ARHGAP32: variants seen among roughly 807,000 people sequenced by gnomAD.
ARHGAP32 encodes Rho GTPase activating protein 32.
A neutral mutation model predicts 186.5 loss-of-function variants in ARHGAP32; 51 were observed. That is an observed-to-expected ratio of 0.27 (90% confidence interval 0.22 to 0.35). ARHGAP32 has a LOEUF of 0.35. Among genes scored for constraint, ARHGAP32 ranks in the 10% least tolerant of loss-of-function variants. The pLI, the probability that ARHGAP32 is intolerant of heterozygous loss-of-function variation, is 1.00. For missense variants in ARHGAP32, 2,186 were observed against 2,623.5 expected, an observed-to-expected ratio of 0.83 and a Z score of 3.64; for synonymous variants, 950 against 964.3, an observed-to-expected ratio of 0.99 and a Z score of 0.27.
intron 10 of ARHGAP32, among the ~76,000 whole-genome samples, chr11:129,042,672 T>C (rs999184669): frequency 6.6e-6 from 1 of 152,238 alleles, no homozygotes; most frequent in Non-Finnish European, 1.5e-5. Flanking sequence ...TCTCAGGTCG[T>C]AAATTAAACA....
At chr11:128,973,661 T>TTACAGAGATGGG (rs1400993546) in intron 21 of ARHGAP32, 10 of 572,346 alleles carry the variant, frequency 1.7e-5, no homozygotes, top group Non-Finnish European at 3.1e-5. Flanking sequence ...TCTTGAATTG[T>TTACAGAGATGGG]TACAGAGATG....
At chr11:129,033,823 T>C (rs569807186) in intron 11 of ARHGAP32, among the ~76,000 whole-genome samples, 1 of 152,320 alleles carries the variant, frequency 6.6e-6, no homozygotes, top group South Asian at 2.1e-4. Flanking sequence ...GTACTCTTTA[T>C]TGAAATGACT....
chr11:129,054,164 T>A (rs898830134), intron 10 of ARHGAP32, among the ~76,000 whole-genome samples: 3 of 152,070 alleles, frequency 2.0e-5, no homozygotes, highest in Non-Finnish European at 4.4e-5. Context: ...AAATAGGTGA[T>A]CCTTGATCAT....
chr11:129,099,854 G>A (rs1941841722), intron 5 of ARHGAP32, among the ~76,000 whole-genome samples: 1 of 151,878 alleles, frequency 6.6e-6, no homozygotes, highest in African/African-American at 2.4e-5. Flanking sequence ...TCAGAGGGAA[G>A]GCACCCAGAG....
At chr11:128,994,885 C>T (rs1355369029) in intron 12 of ARHGAP32, among the ~76,000 whole-genome samples, 3 of 152,086 alleles carry the variant, frequency 2.0e-5, no homozygotes, top group African/African-American at 7.2e-5. Flanking sequence ...TATATCTGGC[C>T]TTGGTCTTTG....
chr11:129,062,345 C>A lies in ARHGAP32; in HGVS notation c.898G>T (p.Val300Phe). 1.2e-6 allele frequency: 2 copies of A among 1,613,454 alleles called. No individual in the cohort carries two copies. The highest frequency in any genetic ancestry group is 1.7e-6 in the Non-Finnish European group (2 of 1,179,526). ...TTCGGGGGCATGTCAATAACAGAAACAATGTCTCCCACCTAGGAGAATCAA... is the reference window on the plus strand; with the variant it reads ...TTCGGGGGCATGTCAATAACAGAAAAAATGTCTCCCACCTAGGAGAATCAA... ...DELTLEVGDI[V>F]SVIDMPPKVL... is the part of the protein sequence containing the mutation. Residue 300 changes from valine to phenylalanine, a missense_variant, in exon 10 of 23, where the codon GTT becomes TTT. This residue lies in a region of ARHGAP32 where 308 missense variants were observed against 596.5 expected (regional missense o/e 0.52). Coordinates refer to ENST00000682385, the MANE Select transcript of ARHGAP32 (RefSeq NM_001378024.1).
At chr11:129,274,097 G>A (rs1293678493) in intron 1 of ARHGAP32, among the ~76,000 whole-genome samples, 4 of 151,014 alleles carry the variant, frequency 2.6e-5, no homozygotes, top group Non-Finnish European at 4.4e-5. Context: ...TTTTTCTCAT[G>A]AGAAATTAAA....
At chr11:129,241,339 G>T (rs903452773) in intron 1 of ARHGAP32, among the ~76,000 whole-genome samples, 1 of 152,126 alleles carries the variant, frequency 6.6e-6, no homozygotes, top group Admixed American at 6.5e-5. Context: ...AGCCAATTTT[G>T]ATACTATAAA....
At position 129,254,273 on chromosome 11, in the gene ARHGAP32, T is replaced by C. The variant is rs74987434; in HGVS notation, c.-5+24873A>G. Among the ~76,000 whole-genome samples the C allele has an allele frequency of 6.1e-3, 926 of 152,214 alleles. 6 individuals are homozygous for C. The highest frequency in any genetic ancestry group is 0.022 in the South Asian group (108 of 4,824). On this transcript the variant is annotated intron_variant, in intron 1 of 6. Coordinates refer to the ARHGAP32 transcript ENST00000525234. ...CCCCAAAGTTAGTATAGGGATCATA[T>C]ATTTTCAATTTCCTAAGATAGTCCC...
At chr11:129,147,609 G>A (rs939481368) in intron 2 of ARHGAP32, among the ~76,000 whole-genome samples, 1 of 152,130 alleles carries the variant, frequency 6.6e-6, no homozygotes, top group East Asian at 1.9e-4. Context: ...GAGTAATACA[G>A]ATCATTCCTA....
chr11:129,033,986 A>G (rs1395457088), intron 11 of ARHGAP32, among the ~76,000 whole-genome samples: 1 of 152,246 alleles, frequency 6.6e-6, no homozygotes. Flanking sequence ...AGCTTTCACA[A>G]TATATCTTGA....
intron 11 of ARHGAP32, among the ~76,000 whole-genome samples, chr11:129,006,700 T>G (rs1033770425): frequency 5.3e-5 from 8 of 152,184 alleles, no homozygotes; most frequent in African/African-American, 1.9e-4. Flanking sequence ...GCACTGGGTC[T>G]TGCCCAAAGC....
Position 128,969,512 on chromosome 11 carries a change from G to T in ARHGAP32, c.5701C>A (p.Gln1901Lys), listed in dbSNP as rs1945298302. ...HRAHQEASHR[Q>K]FCESKNGPPY... The stretch of plus-strand genomic sequence containing the variant: ...GGCCCATTCTTTGACTCACAGAACT[G>T]CCTATGGCTTGCTTCTTGGTGTGCC... The change falls in exon 23 of 23, where the codon CAG (glutamine) becomes AAG (lysine). Residue 1901 changes from glutamine to lysine, a missense_variant. Physicochemically the swap from Gln to Lys is moderately conservative, Grantham distance 53. Around this residue, in one of 5 missense-constraint regions of ARHGAP32, gnomAD observed 1,502 missense variants for 1,570.0 expected, o/e 0.96. Transcript: ENST00000682385. This position sits in a 1 kb window ranked among gnomAD's most constrained non-coding sequence, Gnocchi z 4.8. 1 of 1,614,204 alleles carries T rather than the reference G, an allele frequency of 6.2e-7. No individual in the cohort carries two copies. Among genetic ancestry groups the T allele is most frequent in the East Asian group, 2.2e-5 (1 of 44,880 alleles).
At chr11:129,266,273 A>G (rs1345618192) in intron 1 of ARHGAP32, among the ~76,000 whole-genome samples, 1 of 152,188 alleles carries the variant, frequency 6.6e-6, no homozygotes, top group Non-Finnish European at 1.5e-5. Flanking sequence ...TTCCCTACTA[A>G]TAAGAAGGGC....
chr11:129,089,594 G>A (rs964544929), intron 6 of ARHGAP32, among the ~76,000 whole-genome samples: 1 of 152,206 alleles, frequency 6.6e-6, no homozygotes, highest in Admixed American at 6.5e-5. Flanking sequence ...TGATGTAGAA[G>A]AGGCAGGGAT....
chr11:129,178,284 A>T (rs1309628729), intron 1 of ARHGAP32, among the ~76,000 whole-genome samples: 1 of 152,050 alleles, frequency 6.6e-6, no homozygotes, highest in Non-Finnish European at 1.5e-5. Flanking sequence ...TGCTCAAGGA[A>T]ATAAAAGAGG....
intron 2 of ARHGAP32, among the ~76,000 whole-genome samples, chr11:129,155,239 C>T (rs1943374229): frequency 6.6e-6 from 1 of 152,152 alleles, no homozygotes; most frequent in South Asian, 2.1e-4. Context: ...TACAACTGAA[C>T]AGCATTTCAA....
chr11:128,970,437 A>G lies in ARHGAP32; in HGVS notation c.4776T>C (p.Pro1592=). The G allele has an allele frequency of 6.2e-7, 1 of 1,614,198 alleles. No homozygotes were observed. The highest frequency in any genetic ancestry group is 1.7e-5 in the Admixed American group (1 of 60,030). ...GGAGAGACTGCACTCTCCGGATGGTAGGGTACGGTGGAATGTCTTCGGGGT... is the reference window on the plus strand; with the variant it reads ...GGAGAGACTGCACTCTCCGGATGGTGGGGTACGGTGGAATGTCTTCGGGGT... ...TCYPEDIPPY[P]TIRRVQSLHA... is the part of the protein sequence containing the mutation. Residue 1592 remains proline (P), a synonymous_variant, in exon 23 of 23, where the codon CCT becomes CCC. Coordinates refer to ENST00000682385, the MANE Select transcript of ARHGAP32 (RefSeq NM_001378024.1). This position sits in a 1 kb window ranked among gnomAD's most constrained non-coding sequence, Gnocchi z 5.8.
chr11:129,231,423 T>C (rs1426158415), intron 1 of ARHGAP32, among the ~76,000 whole-genome samples: 3 of 152,160 alleles, frequency 2.0e-5, no homozygotes, highest in Non-Finnish European at 4.4e-5. Context: ...CAAATGTAAG[T>C]ATGATGTGTG....
Sources: allele counts gnomAD v4.1 joint callset (sites outside exome capture counted in the v4.1 genomes callset), GRCh38; gene constraint gnomAD v4.1.1; regional missense constraint gnomAD v4.1.1; non-coding constraint Gnocchi (gnomAD v3.1); transcripts MANE v1.5; gene names NCBI Gene and HGNC (gene_info 2026-07-23, HGNC 2026-07-21).